Variants in CYP46A1 observed in about 807,000 individuals in gnomAD.
The protein encoded by CYP46A1 is cholesterol 24-hydroxylase.
A neutral mutation model predicts 63.3 loss-of-function variants in CYP46A1; 20 were observed. That is an observed-to-expected ratio of 0.32 (90% CI 0.22 to 0.46). CYP46A1 has a LOEUF of 0.46. Among genes scored for constraint, CYP46A1 ranks in the 20% least tolerant of loss-of-function variants. The pLI is 1.00. For synonymous variants in CYP46A1, 268 were observed against 273.6 expected (o/e 0.98, Z 0.20); for missense variants, 445 against 670.8 (o/e 0.66, Z 3.72).
At position 99,691,780 on chromosome 14, in the gene CYP46A1, G is replaced by A. The variant is rs1334510057; in HGVS notation, c.201G>A (p.Trp67Ter). 3 of 1,614,170 alleles carry A rather than the reference G, an allele frequency of 1.9e-6. No individual in the cohort carries two copies. The highest frequency in any genetic ancestry group is 1.7e-5 in the Admixed American group (1 of 60,028). ...TCCTTCGGGTCACTTTGGTTTCCAG[G>A]GCTAAGAAGTATGGACCTGTTGTGC... The part of the protein sequence containing the change: ...GRVLQDVFLD[W>*]AKKYGPVVRV... The change falls in exon 3 of 15, where the codon TGG (tryptophan) becomes TGA (stop). Residue 67 changes from tryptophan (W) to a stop codon, truncating the protein, a stop_gained and splice_region_variant. Transcript: ENST00000261835. LOFTEE classifies it high-confidence loss of function.
At chr14:99,704,235 C>A (rs903791507) in intron 5 of CYP46A1, among the ~76,000 whole-genome samples, 2 of 152,300 alleles carry the variant, frequency 1.3e-5, no homozygotes, top group Non-Finnish European at 2.9e-5. Flanking sequence ...CGCATTATTA[C>A]GCAACCATCA....
chr14:99,692,031 T>C (rs956093313), intron 3 of CYP46A1, among the ~76,000 whole-genome samples, 170 bp downstream of exon 3: 5 of 152,144 alleles, frequency 3.3e-5, no homozygotes, highest in Admixed American at 1.3e-4. Context: ...CACCCACTCC[T>C]TGGGGACTCT....
chr14:99,714,819 C>T (rs1279172399), intron 7 of CYP46A1, among the ~76,000 whole-genome samples: 1 of 151,716 alleles, frequency 6.6e-6, no homozygotes, highest in Non-Finnish European at 1.5e-5. Flanking sequence ...TGCTATTTGC[C>T]CATAAGAAAG....
At chr14:99,706,592 C>T (rs536991049) in intron 5 of CYP46A1, 55 bp from the exon 6 acceptor site, 2 of 1,601,150 alleles carry the variant, frequency 1.2e-6, no homozygotes, top group Non-Finnish European at 1.7e-6. Context: ...GGGCACATGG[C>T]AGTCCACCAT....
At position 99,722,798 on chromosome 14, in the gene CYP46A1, T is replaced by C. The variant is rs2056860776; in HGVS notation, c.1176+732T>C. ...TAGGACAACCACCATCGCTGATCAG[T>C]TCTCAGGTGACAGGCATTTGAGAGG... On this transcript the variant is annotated intron_variant, in intron 12 of 14. Coordinates refer to ENST00000261835, the MANE Select transcript of CYP46A1 (RefSeq NM_006668.2). The surrounding 1 kb of genome is among the most constrained non-coding windows in gnomAD (Gnocchi z 4.6). 1 of 398,140 alleles carries C rather than the reference T, an allele frequency of 2.5e-6. No individual in the cohort carries two copies. 24.7% of individuals were successfully genotyped at this position (398,140 alleles called of 1,614,324 possible).
In CYP46A1 at chr14:99,722,644, C is replaced by CGTGTGTGTGTGTGTGTGT. The variant is rs10600179; in HGVS notation, c.1176+596_1176+613dup. 0.03 allele frequency among the ~76,000 whole-genome samples: 4,268 copies of CGTGTGTGTGTGTGTGTGT among 142,138 alleles called. 96 individuals carry two copies. Among genetic ancestry groups the CGTGTGTGTGTGTGTGTGT allele is most frequent in the Admixed American group, 0.036 (500 of 13,990 alleles). The allele number at this position is 142,138 out of a possible 152,430, so 93.2% of individuals were successfully genotyped here. On this transcript the variant is annotated intron_variant, in intron 12 of 14. Transcript: ENST00000261835. This position sits in a 1 kb window ranked among gnomAD's most constrained non-coding sequence, Gnocchi z 4.6. ...ATCTGAATTGTGTGTTTGCCATTCC[C>CGTGTGTGTGTGTGTGTGT]GTGTGTGTGTGTGTGTGTGTGTGTG... is the stretch of plus-strand genomic sequence containing the variant.
Position 99,684,535 on chromosome 14 carries a change from A to C in CYP46A1, c.118A>C (p.Ser40Arg). Residue 40 changes from serine (S) to arginine (R), a missense_variant and splice_region_variant, in exon 1 of 15, where the codon AGT becomes CGT. Physicochemically the swap from Ser to Arg is moderately radical, Grantham distance 110. Around this residue, in one of 4 missense-constraint regions of CYP46A1, gnomAD observed 252 missense variants for 383.3 expected, o/e 0.66. Coordinates refer to ENST00000261835, the MANE Select transcript of CYP46A1 (RefSeq NM_006668.2). ...YEHIPGPPRP[S>R]FLLGHLPCFW... Reference sequence around the variant, plus strand: ...GCACATCCCCGGGCCGCCGCGGCCCAGGTGAGCGGGGCTGGGGGCGGGGCC... The same window carrying C: ...GCACATCCCCGGGCCGCCGCGGCCCCGGTGAGCGGGGCTGGGGGCGGGGCC... The C allele has an allele frequency of 6.9e-7, 1 of 1,458,866 alleles. No homozygotes were observed. Among genetic ancestry groups the C allele is most frequent in the Non-Finnish European group, 9.0e-7 (1 of 1,109,332 alleles). The allele number at this position is 1,458,866 out of a possible 1,614,324, so 90.4% of individuals were successfully genotyped here. A position where few individuals can be genotyped will look rare whatever the true frequency, so the allele number is the denominator to read the frequency against.
At chr14:99,724,395 C>G (rs560297341) in intron 12 of CYP46A1, among the ~76,000 whole-genome samples, 1 of 152,294 alleles carries the variant, frequency 6.6e-6, no homozygotes, top group African/African-American at 2.4e-5. Flanking sequence ...ACTCTGCCAT[C>G]TGTTTTGCCA....
intron 9 of CYP46A1, 144 bp from the exon 10 acceptor site, chr14:99,717,910 G>A: frequency 1.6e-6 from 1 of 625,060 alleles, no homozygotes; most frequent in South Asian, 2.0e-5. Context: ...CTAGACGATG[G>A]TTCAAGGAAG....
intron 1 of CYP46A1, 106 bp downstream of exon 1, chr14:99,684,642 C>T: frequency 1.0e-6 from 1 of 976,576 alleles, no homozygotes; most frequent in South Asian, 1.4e-5. Flanking sequence ...GCCTAGTGCG[C>T]GCGGCCGCTG....
rs779618668 is a variant in CYP46A1, at chr14:99,722,048, C to T, written c.1158C>T (p.Pro386=). The change falls in exon 12 of 15, where the codon CCC becomes CCT. Residue 386 remains proline, a synonymous_variant. Coordinates refer to ENST00000261835, the MANE Select transcript of CYP46A1 (RefSeq NM_006668.2). This position sits in a 1 kb window ranked among gnomAD's most constrained non-coding sequence, Gnocchi z 4.6. The part of the protein sequence containing the change: ...EETLIDGVRV[P]GNTPLLFSTY... ...CCTTGATTGATGGGGTCAGAGTCCC[C>T]GGCAACACCCCGCTCTTGGTGGGTG... 20 of 1,612,310 alleles carry T rather than the reference C, an allele frequency of 1.2e-5. No individual in the cohort carries two copies. Among genetic ancestry groups the T allele is most frequent in the South Asian group, 3.3e-5 (3 of 91,030 alleles).
At chr14:99,719,759 TTC>T (rs75564960) in intron 10 of CYP46A1, among the ~76,000 whole-genome samples, 1 of 117,836 alleles carries the variant, frequency 8.5e-6, no homozygotes, top group Non-Finnish European at 1.7e-5. Flanking sequence ...TTTTTTTCTT[TTC>T]TTTTTTTTTT....
At chr14:99,707,243 G>C (rs1412226020) in intron 6 of CYP46A1, among the ~76,000 whole-genome samples, 1 of 152,168 alleles carries the variant, frequency 6.6e-6, no homozygotes, top group African/African-American at 2.4e-5. Flanking sequence ...TTATCACATT[G>C]CTATTCCTTT....
At chr14:99,711,624 GAAATACTAATAA>G (rs2056733207) in intron 7 of CYP46A1, 1 of 152,070 alleles carries the variant, frequency 6.6e-6, no homozygotes, top group Non-Finnish European at 1.5e-5. Context: ...TAATGAGATT[GAAATACTAATAA>G]AAAGTCTTCC....
At position 99,722,816 on chromosome 14, in the gene CYP46A1, T is replaced by TTG. The variant is rs1391545133; in HGVS notation, c.1176+751_1176+752dup. 4 of 414,384 alleles carry TTG rather than the reference T, an allele frequency of 9.7e-6. No individual in the cohort carries two copies. The highest frequency in any genetic ancestry group is 2.0e-5 in the Non-Finnish European group (4 of 198,490). 25.7% of individuals were successfully genotyped at this position (414,384 alleles called of 1,614,324 possible). A position where few individuals can be genotyped will look rare whatever the true frequency, so the allele number is the denominator to read the frequency against. On this transcript the variant is annotated intron_variant, in intron 12 of 14. Transcript: ENST00000261835. The surrounding 1 kb of genome is among the most constrained non-coding windows in gnomAD (Gnocchi z 4.6). ...TGATCAGTTCTCAGGTGACAGGCAT[T>TTG]TGAGAGGTGTCCAGTTTGTCCCTAT... is the stretch of plus-strand genomic sequence containing the variant.
At chr14:99,696,910 T>G (rs963004929) in intron 3 of CYP46A1, among the ~76,000 whole-genome samples, 3 of 152,262 alleles carry the variant, frequency 2.0e-5, no homozygotes, top group Non-Finnish European at 4.4e-5. Context: ...CTTTCCAGGC[T>G]TGCTTTAAGG....
intron 7 of CYP46A1, chr14:99,708,981 CAG>C (rs1361157691): frequency 2.6e-5 from 4 of 152,138 alleles, no homozygotes; most frequent in Non-Finnish European, 4.4e-5. Context: ...AGAAATTAAA[CAG>C]AAACTATGTT....
rs778051476 is a variant in CYP46A1, at chr14:99,699,447, GT to G, written c.283-13del. The G allele has an allele frequency of 6.2e-7, 1 of 1,613,752 alleles. No individual in the cohort carries two copies. The highest frequency in any genetic ancestry group is 1.1e-5 in the South Asian group (1 of 91,064). On this transcript the variant is annotated intron_variant, in intron 3 of 14. Coordinates refer to ENST00000261835, the MANE Select transcript of CYP46A1 (RefSeq NM_006668.2). The stretch of plus-strand genomic sequence containing the variant: ...CTCATGGGTGCATGAGCCTATGTTG[GT>G]TTTTTGGGGATATTTAGAAGTTCCT...
chr14:99,697,330 T>C (rs2056595398), intron 3 of CYP46A1, among the ~76,000 whole-genome samples: 1 of 152,144 alleles, frequency 6.6e-6, no homozygotes, highest in Non-Finnish European at 1.5e-5. Flanking sequence ...AGCTTCTCCC[T>C]GGTACTTTGT....
Sources: allele counts gnomAD v4.1 joint callset (sites outside exome capture counted in the v4.1 genomes callset), GRCh38; gene constraint gnomAD v4.1.1; regional missense constraint gnomAD v4.1.1; non-coding constraint Gnocchi (gnomAD v3.1); transcripts MANE v1.5; gene names NCBI Gene and HGNC (gene_info 2026-07-23, HGNC 2026-07-21).